The following CEP162 variants were observed in gnomAD, a reference collection of about 807,000 sequenced individuals.
The protein encoded by CEP162 is centrosomal protein 162.
A neutral mutation model predicts 169.2 loss-of-function variants in CEP162; 141 were observed. The observed-to-expected ratio is 0.83, with a 90% CI of 0.73 to 0.96. The LOEUF (loss-of-function observed/expected upper bound fraction) is 0.96. Ranked by LOEUF, CEP162 falls within the 40% of genes least tolerant of loss-of-function variation. The pLI, the probability that CEP162 is intolerant of heterozygous loss-of-function variation, is 0.00. For missense variants in CEP162, 1,600 were observed against 1,587.2 expected (o/e 1.01, Z -0.14); for synonymous variants, 540 against 526.4 (o/e 1.03, Z -0.35).
chr6:84,214,490 C>T (rs1014160436), intron 5 of CEP162, among the ~76,000 whole-genome samples: 2 of 152,096 alleles, frequency 1.3e-5, no homozygotes, highest in African/African-American at 4.8e-5. Flanking sequence ...ATCATAAAAC[C>T]GGAAGGCTAG....
intron 13 of CEP162, among the ~76,000 whole-genome samples, chr6:84,179,961 A>G (rs2099534069): frequency 6.6e-6 from 1 of 152,168 alleles, no homozygotes; most frequent in Non-Finnish European, 1.5e-5. Context: ...TCCAATCAAT[A>G]GAAAAAGAGG....
intron 16 of CEP162, among the ~76,000 whole-genome samples, chr6:84,172,478 A>G (rs903337767): frequency 6.6e-6 from 1 of 152,228 alleles, no homozygotes; most frequent in African/African-American, 2.4e-5. Context: ...CCATGTCTGG[A>G]ATAGTGCCTG....
intron 7 of CEP162, among the ~76,000 whole-genome samples, chr6:84,203,069 T>A (rs1239435435): frequency 6.6e-6 from 1 of 152,146 alleles, no homozygotes; most frequent in Non-Finnish European, 1.5e-5. Flanking sequence ...TAATAACACA[T>A]AACAAAACAA....
intron 13 of CEP162, among the ~76,000 whole-genome samples, chr6:84,181,165 A>G (rs185197221): frequency 2.6e-5 from 4 of 152,364 alleles, no homozygotes; most frequent in Admixed American, 2.6e-4. Context: ...ATAGAGACCA[A>G]TGGAACAGAA....
chr6:84,208,960 T>A (rs751352876), intron 6 of CEP162, among the ~76,000 whole-genome samples: 4 of 152,186 alleles, frequency 2.6e-5, no homozygotes, highest in Non-Finnish European at 4.4e-5. Flanking sequence ...GAAAAGATGA[T>A]GAACAAGGAA....
chr6:84,197,842 A>G (rs9444148), intron 9 of CEP162, among the ~76,000 whole-genome samples: 204 of 150,890 alleles, frequency 1.4e-3, no homozygotes, highest in South Asian at 9.6e-3. Context: ...AAAAAAAAAA[A>G]AGAGAGAAAG....
chr6:84,130,766 G>A lies in CEP162; in HGVS notation c.3871-4254C>T, dbSNP rs570086661. On this transcript the variant is annotated intron_variant, in intron 25 of 26. Coordinates refer to ENST00000403245, the MANE Select transcript of CEP162 (RefSeq NM_014895.4). ...TCTCTCTTCTCTTCTTTATTAATTT[G>A]GCTAGTGGTCTATTTTGTTGATCTT... 5.3e-5 allele frequency among the ~76,000 whole-genome samples: 8 copies of A among 151,432 alleles called. 1 individual carries two copies. The highest frequency in any genetic ancestry group is 1.9e-4 in the African/African-American group (8 of 41,338).
chr6:84,128,289 T>A (rs1186419508), intron 25 of CEP162, among the ~76,000 whole-genome samples: 1 of 152,184 alleles, frequency 6.6e-6, no homozygotes, highest in Admixed American at 6.5e-5. Context: ...TAATCAAAAC[T>A]GAATATGTAC....
chr6:84,221,030 T>G, intron 3 of CEP162, 27 bp downstream of exon 3: 1 of 1,266,490 alleles, frequency 7.9e-7, no homozygotes, highest in Non-Finnish European at 1.2e-6. Context: ...GTCAAATAAT[T>G]TGAAACTAAA....
intron 2 of CEP162, 47 bp from the exon 3 acceptor site, chr6:84,221,218 A>C: frequency 1.1e-6 from 1 of 924,460 alleles, no homozygotes; most frequent in South Asian, 1.4e-5. Context: ...GTGTAAATTC[A>C]AGAATCTCAG....
At chr6:84,219,114 T>C in intron 3 of CEP162, 1 of 1,194,976 alleles carries the variant, frequency 8.4e-7, no homozygotes, top group Non-Finnish European at 1.1e-6. Flanking sequence ...TGTCTTAAGA[T>C]TAATAATGCA....
intron 7 of CEP162, among the ~76,000 whole-genome samples, chr6:84,202,348 T>C (rs2099544866): frequency 6.6e-6 from 1 of 152,096 alleles, no homozygotes; most frequent in African/African-American, 2.4e-5. Flanking sequence ...TTGTGGGACC[T>C]TCCAATAACA....
intron 25 of CEP162, among the ~76,000 whole-genome samples, chr6:84,135,861 C>CA (rs1415718314): frequency 2.0e-5 from 3 of 152,166 alleles, no homozygotes; most frequent in South Asian, 4.2e-4. Context: ...AAGACTGTCT[C>CA]AAAAAAACAA....
intron 23 of CEP162, 106 bp downstream of exon 23, chr6:84,152,439 A>G (rs1162559102): frequency 3.5e-6 from 2 of 574,304 alleles, no homozygotes; most frequent in Non-Finnish European, 5.7e-6. Context: ...TCACTTATGA[A>G]TTCAGTTCGG....
rs771407041 is a variant in CEP162, at chr6:84,125,322, G to A, written c.4006-46C>T. The A allele has an allele frequency of 5.9e-6, 9 of 1,520,694 alleles. No homozygotes were observed. In the Admixed American group the frequency reaches 1.4e-4, roughly 23 times the overall value. 94.2% of individuals were successfully genotyped at this position (1,520,694 alleles called of 1,614,324 possible). A position where few individuals can be genotyped will look rare whatever the true frequency, so the allele number is the denominator to read the frequency against. On this transcript the variant is annotated intron_variant, in intron 26 of 26. Coordinates refer to ENST00000403245, the MANE Select transcript of CEP162 (RefSeq NM_014895.4). ...CATTGCTGTTATAGTTCATAGTGGTGGGTGAGGAACATTTAACAATCTTAA... is the reference window on the plus strand; with the variant it reads ...CATTGCTGTTATAGTTCATAGTGGTAGGTGAGGAACATTTAACAATCTTAA...
intron 25 of CEP162, among the ~76,000 whole-genome samples, chr6:84,127,645 AATT>A (rs2099509503): frequency 6.6e-6 from 1 of 152,340 alleles, no homozygotes; most frequent in Non-Finnish European, 1.5e-5. Flanking sequence ...CAGAATGGTC[AATT>A]ATTATTTCAA....
chr6:84,169,420 T>C lies in CEP162; in HGVS notation c.2293A>G (p.Lys765Glu). The part of the protein sequence containing the change: ...EVASLKEQMH[K>E]SRFLSQVVED... Reference sequence around the variant, plus strand: ...ACTACTTGAGACAGAAAACGACTTTTGTGCATCTGTTCTCTAATTTATTTT... The same window carrying C: ...ACTACTTGAGACAGAAAACGACTTTCGTGCATCTGTTCTCTAATTTATTTT... Residue 765 changes from lysine (K) to glutamate (E), a missense_variant, in exon 18 of 27, where the codon AAA (lysine) becomes GAA (glutamate). Physicochemically the swap from Lys to Glu is moderately conservative, Grantham distance 56 (BLOSUM62 1). Transcript: ENST00000403245. 2 of 1,566,256 alleles carry C rather than the reference T, an allele frequency of 1.3e-6. No individual in the cohort carries two copies.
chr6:84,148,866 T>C (rs1341284399), intron 24 of CEP162, among the ~76,000 whole-genome samples: 3 of 152,094 alleles, frequency 2.0e-5, no homozygotes, highest in African/African-American at 7.2e-5. Flanking sequence ...CATTTGAAAG[T>C]AGATTGTAGA....
At chr6:84,149,781 G>A in intron 23 of CEP162, 78 bp from the exon 24 acceptor site, 2 of 1,249,938 alleles carry the variant, frequency 1.6e-6, no homozygotes, top group South Asian at 4.6e-5. Context: ...AAAAACAGTA[G>A]AAGAAACCTG....
Sources: gnomAD v4.1 joint callset for allele counts (sites outside exome capture counted in the v4.1 genomes callset) on GRCh38, gnomAD v4.1.1 for gene constraint, MANE v1.5 for transcripts, NCBI Gene and HGNC (gene_info 2026-07-23, HGNC 2026-07-21) for gene names.